PTPRK: variants seen among roughly 807,000 people sequenced by gnomAD.
The protein encoded by PTPRK is protein tyrosine phosphatase receptor type K, also known as receptor-type tyrosine-protein phosphatase kappa.
A neutral mutation model predicts 178.0 loss-of-function variants in PTPRK; 75 were observed. The observed-to-expected ratio is 0.42, with a 90% confidence interval of 0.35 to 0.51. The LOEUF (loss-of-function observed/expected upper bound fraction) is 0.51. Ranked by LOEUF, PTPRK falls within the 20% of genes least tolerant of loss-of-function variation. PTPRK has a pLI of 0.02. For missense variants in PTPRK, 1,441 were observed against 1,797.8 expected (o/e 0.80, Z 3.59); for synonymous variants, 637 against 620.6 (o/e 1.03, Z -0.39).
chr6:128,077,838 A>G (rs1784110832), intron 11 of PTPRK, among the ~76,000 whole-genome samples: 1 of 152,020 alleles, frequency 6.6e-6, no homozygotes, highest in African/African-American at 2.4e-5. Flanking sequence ...CAATTTTCTG[A>G]AAGATGGGGA....
At chr6:128,368,968 C>T (rs1373321678) in intron 2 of PTPRK, among the ~76,000 whole-genome samples, 2 of 151,726 alleles carry the variant, frequency 1.3e-5, no homozygotes, top group African/African-American at 2.4e-5. Context: ...AAAACACACA[C>T]ACAGCAATAA....
chr6:128,251,355 A>G (rs1816429982), intron 3 of PTPRK, among the ~76,000 whole-genome samples: 1 of 152,208 alleles, frequency 6.6e-6, no homozygotes, highest in Admixed American at 6.5e-5. Flanking sequence ...ATTAAGACAT[A>G]TAATCAAGCC....
chr6:128,499,985 T>C (rs1277532759), intron 1 of PTPRK, among the ~76,000 whole-genome samples: 1 of 152,182 alleles, frequency 6.6e-6, no homozygotes, highest in African/African-American at 2.4e-5. Flanking sequence ...CACTAAAATG[T>C]TAGTTATTGA....
At chr6:128,301,171 A>G (rs1825545557) in intron 3 of PTPRK, among the ~76,000 whole-genome samples, 1 of 152,224 alleles carries the variant, frequency 6.6e-6, no homozygotes, top group Non-Finnish European at 1.5e-5. Context: ...GAGGGTGGAT[A>G]TCACTATTTC....
intron 5 of PTPRK, among the ~76,000 whole-genome samples, chr6:128,225,927 G>A (rs1054156548): frequency 7.2e-5 from 11 of 152,186 alleles, no homozygotes; most frequent in Non-Finnish European, 1.3e-4. Context: ...GCAGGGTAAA[G>A]ATGTGCTGGA....
At chr6:127,981,607 T>C (rs1358101887) in intron 24 of PTPRK, among the ~76,000 whole-genome samples, 1 of 152,088 alleles carries the variant, frequency 6.6e-6, no homozygotes, top group Non-Finnish European at 1.5e-5. Flanking sequence ...TAATGACCCT[T>C]CATCACACTG....
At chr6:128,450,159 T>C (rs1371457997) in intron 1 of PTPRK, among the ~76,000 whole-genome samples, 1 of 151,616 alleles carries the variant, frequency 6.6e-6, no homozygotes, top group Non-Finnish European at 1.5e-5. Flanking sequence ...AAAAGAACCA[T>C]ATAAGCAGAG....
At chr6:128,481,404 A>G (rs780022389) in intron 1 of PTPRK, among the ~76,000 whole-genome samples, 1 of 152,176 alleles carries the variant, frequency 6.6e-6, no homozygotes, top group Non-Finnish European at 1.5e-5. Flanking sequence ...GATGTTTACA[A>G]CTTGCAAAAC....
At chr6:127,970,439 T>A (rs1773776697) in intron 29 of PTPRK, among the ~76,000 whole-genome samples, 159 bp from the exon 30 acceptor site, 1 of 152,220 alleles carries the variant, frequency 6.6e-6, no homozygotes, top group Non-Finnish European at 1.5e-5. Flanking sequence ...ACATATTTTA[T>A]ACTTGAGTCT....
At chr6:128,431,530 G>C (rs1175340716) in intron 1 of PTPRK, among the ~76,000 whole-genome samples, 1 of 152,160 alleles carries the variant, frequency 6.6e-6, no homozygotes, top group Non-Finnish European at 1.5e-5. Flanking sequence ...GAATTTAGCA[G>C]ATGTCACCAA....
chr6:128,173,110 A>G (rs915087919), intron 7 of PTPRK, among the ~76,000 whole-genome samples: 6 of 152,032 alleles, frequency 3.9e-5, no homozygotes, highest in African/African-American at 1.4e-4. Flanking sequence ...ACAGTAAACT[A>G]CATTTGATTC....
rs763259954 is a variant in PTPRK at position 128,519,097 on chromosome 6, GCACCGCGAA to G, written c.100+1153_100+1161del. On this transcript the variant is annotated intron_variant, in intron 1 of 29. Coordinates refer to ENST00000368226, the MANE Select transcript of PTPRK (RefSeq NM_002844.4). This position sits in a 1 kb window ranked among gnomAD's most constrained non-coding sequence, Gnocchi z 4.3. Reference sequence around the variant, plus strand: ...TCTGGCCACCACTGCGTCTCCATCTGCACCGCGAACCCCAGCAGCAGATGCGCTCGCCAG... The same window carrying G: ...TCTGGCCACCACTGCGTCTCCATCTGCCCCAGCAGCAGATGCGCTCGCCAG... The G allele has an allele frequency of 7.9e-5, 42 of 531,582 alleles. No individual in the cohort carries two copies. The highest frequency in any genetic ancestry group is 1.4e-4 in the Non-Finnish European group (37 of 259,350). 32.9% of individuals were successfully genotyped at this position (531,582 alleles called of 1,614,324 possible). A position where few individuals can be genotyped will look rare whatever the true frequency, so the allele number is the denominator to read the frequency against.
chr6:128,182,085 A>G (rs959850876), intron 7 of PTPRK, among the ~76,000 whole-genome samples: 1 of 152,152 alleles, frequency 6.6e-6, no homozygotes, highest in Non-Finnish European at 1.5e-5. Context: ...TATAATAAAC[A>G]TGTGATAAAA....
In PTPRK at chr6:128,184,676, T is replaced by A; in HGVS notation, c.918A>T (p.Thr306=). ...TGGCATTTAGTTGGATCAGCAAATA[T>A]GTAGGCCCAACACCAAGAAGCTGAG... ...APPQLLGVGP[T]YLLIQLNANS... The change falls in exon 7 of 30, where the codon ACA becomes ACT. Residue 306 remains threonine (T), a synonymous_variant. Coordinates refer to ENST00000368226, the MANE Select transcript of PTPRK (RefSeq NM_002844.4). The A allele has an allele frequency of 6.2e-7, 1 of 1,614,014 alleles. No individual in the cohort carries two copies.
At chr6:128,098,844 CGGTAGTATGGT>C (rs1420198491) in intron 7 of PTPRK, among the ~76,000 whole-genome samples, 1 of 151,816 alleles carries the variant, frequency 6.6e-6, no homozygotes, top group African/African-American at 2.4e-5. Context: ...CCAGATACCA[CGGTAGTATGGT>C]ATATGCCTTA....
chr6:128,226,028 G>T (rs766765558), intron 5 of PTPRK, among the ~76,000 whole-genome samples: 3 of 152,158 alleles, frequency 2.0e-5, no homozygotes, highest in Non-Finnish European at 4.4e-5. Context: ...TAGGAAGCAT[G>T]AGTATCTTTG....
intron 2 of PTPRK, among the ~76,000 whole-genome samples, chr6:128,370,198 G>T (rs1230983413): frequency 6.6e-6 from 1 of 152,072 alleles, no homozygotes; most frequent in Admixed American, 6.6e-5. Context: ...TGTGCATATT[G>T]TAGTACTTGC....
At chr6:128,293,031 A>T (rs1296733557) in intron 3 of PTPRK, among the ~76,000 whole-genome samples, 1 of 152,064 alleles carries the variant, frequency 6.6e-6, no homozygotes, top group East Asian at 1.9e-4. Context: ...ACCCTGGTTA[A>T]GAAAGTTTCA....
At chr6:128,177,093 A>G (rs911015643) in intron 7 of PTPRK, among the ~76,000 whole-genome samples, 3 of 151,756 alleles carry the variant, frequency 2.0e-5, no homozygotes, top group Non-Finnish European at 4.4e-5. Flanking sequence ...TCTATACCTC[A>G]TAGTGACCCC....
Sources: allele counts gnomAD v4.1 joint callset (sites outside exome capture counted in the v4.1 genomes callset), GRCh38; gene constraint gnomAD v4.1.1; non-coding constraint Gnocchi (gnomAD v3.1); transcripts MANE v1.5; gene names NCBI Gene and HGNC (gene_info 2026-07-23, HGNC 2026-07-21).